The following HNF4A variants were observed in gnomAD, a reference collection of about 807,000 sequenced individuals.
HNF4A encodes hepatocyte nuclear factor 4-alpha.
A neutral mutation model predicts 52.4 loss-of-function variants in HNF4A; 15 were observed. The observed-to-expected ratio is 0.29, with a 90% confidence interval of 0.19 to 0.44. The LOEUF (loss-of-function observed/expected upper bound fraction) is 0.44. Among genes scored for constraint, HNF4A ranks in the 20% least tolerant of loss-of-function variants. The pLI is 1.00. For missense variants in HNF4A, 479 were observed against 647.2 expected (o/e 0.74, Z 2.82); for synonymous variants, 280 against 264.4 (o/e 1.06, Z -0.57).
intron 1 of HNF4A, chr20:44,372,787 G>A (rs1345470700): frequency 2.0e-5 from 3 of 152,216 alleles, no homozygotes; most frequent in Admixed American, 1.3e-4. Context: ...TGGAGAAGAT[G>A]GTGTCATGGC....
chr20:44,414,651 C>T lies in HNF4A; in HGVS notation c.637C>T (p.Leu213=). The T allele has an allele frequency of 6.2e-7, 1 of 1,607,200 alleles. No homozygotes were observed. The highest frequency in any genetic ancestry group is 8.5e-7 in the Non-Finnish European group (1 of 1,176,750). The change falls in exon 5 of 10, where the codon CTG becomes TTG. Residue 213 remains leucine (L), a synonymous_variant. Coordinates refer to ENST00000316099, the MANE Select transcript of HNF4A (RefSeq NM_000457.6). ...CATCCCAGCTTTCTGCGAGCTCCCC[C>T]TGGACGACCAGGTGAGGATGGGCGT...
chr20:44,395,076 A>C (rs544193817), intron 1 of HNF4A, among the ~76,000 whole-genome samples: 140 of 151,598 alleles, frequency 9.2e-4, no homozygotes, highest in Non-Finnish European at 1.7e-3. Context: ...TGAACAAGCC[A>C]GTGGCCACCC....
intron 3 of HNF4A, among the ~76,000 whole-genome samples, chr20:44,411,133 C>T (rs1254057888): frequency 6.6e-6 from 1 of 152,140 alleles, no homozygotes; most frequent in Non-Finnish European, 1.5e-5. Context: ...CATCAAAAAC[C>T]CAGCCCAGAA....
chr20:44,413,482 T>C (rs952165838), intron 3 of HNF4A, among the ~76,000 whole-genome samples: 2 of 152,246 alleles, frequency 1.3e-5, no homozygotes, highest in East Asian at 1.9e-4. Context: ...ATCACTCTTA[T>C]AGCCTCTCCA....
chr20:44,412,048 C>T (rs2063591628), intron 3 of HNF4A, among the ~76,000 whole-genome samples: 1 of 148,966 alleles, frequency 6.7e-6, no homozygotes, highest in South Asian at 2.1e-4. Context: ...CAAAATGAGA[C>T]CCCATCTCGA....
chr20:44,381,813 G>A (rs1220581806), intron 1 of HNF4A, among the ~76,000 whole-genome samples: 2 of 152,176 alleles, frequency 1.3e-5, no homozygotes, highest in Middle Eastern at 3.4e-3. Context: ...GTTTCACCAT[G>A]TTGGTCAGGC....
chr20:44,371,622 C>T (rs552035633), intron 1 of HNF4A, among the ~76,000 whole-genome samples: 250 of 152,198 alleles, frequency 1.6e-3, no homozygotes, highest in Non-Finnish European at 1.5e-3. Context: ...GTCAGGAATT[C>T]GAGATCAGCT....
chr20:44,425,227 C>T (rs1014779035), intron 8 of HNF4A, among the ~76,000 whole-genome samples: 1 of 152,224 alleles, frequency 6.6e-6, no homozygotes, highest in Non-Finnish European at 1.5e-5. Flanking sequence ...CAAGTGATCA[C>T]CCACCTCAGT....
chr20:44,368,134 GTATATACA>G (rs2062990163), intron 1 of HNF4A, among the ~76,000 whole-genome samples: 2 of 56,398 alleles, frequency 3.5e-5, no homozygotes, highest in African/African-American at 1.6e-4. Flanking sequence ...GTGTGTGTGT[GTATATACA>G]TATATATATA....
chr20:44,401,644 A>C, intron 1 of HNF4A: 1 of 469,204 alleles, frequency 2.1e-6, no homozygotes, highest in Non-Finnish European at 2.8e-6. Context: ...AGTGAAGCCC[A>C]TGTGCCCAGG....
At chr20:44,407,951 C>A (rs751609611) in intron 3 of HNF4A, among the ~76,000 whole-genome samples, 1 of 152,152 alleles carries the variant, frequency 6.6e-6, no homozygotes, top group Non-Finnish European at 1.5e-5. Flanking sequence ...AGTATTCATT[C>A]GTGGGTATCA....
intron 8 of HNF4A, 107 bp from the exon 9 acceptor site, chr20:44,428,228 A>C: frequency 8.8e-7 from 1 of 1,137,042 alleles, no homozygotes; most frequent in African/African-American, 1.5e-5. Context: ...AGGCACTGCC[A>C]ATATTGGATG....
At chr20:44,382,809 TA>T (rs2063172042) in intron 1 of HNF4A, among the ~76,000 whole-genome samples, 1 of 152,174 alleles carries the variant, frequency 6.6e-6, no homozygotes, top group African/African-American at 2.4e-5. Context: ...ACTAAATAAA[TA>T]AATCATCCAG....
intron 1 of HNF4A, among the ~76,000 whole-genome samples, chr20:44,385,057 A>ATTTTTTTTTTTTTTTTTTTTTTTTTTT (rs1491454694): frequency 6.7e-5 from 2 of 29,938 alleles, no homozygotes; most frequent in Admixed American, 5.5e-4. Flanking sequence ...GAACTCTGTG[A>ATTTTTTTTTTTTTTTTTTTTTTTTTTT]TCTTTTTTTT....
intron 1 of HNF4A, among the ~76,000 whole-genome samples, chr20:44,387,790 G>C (rs1288836458): frequency 2.0e-5 from 3 of 151,872 alleles, no homozygotes; most frequent in Non-Finnish European, 4.4e-5. Flanking sequence ...AAGGTTGGCT[G>C]GGGTGGAGAT....
intron 7 of HNF4A, among the ~76,000 whole-genome samples, chr20:44,421,556 C>A (rs1300809473): frequency 6.6e-6 from 1 of 151,896 alleles, no homozygotes; most frequent in Admixed American, 6.6e-5. Flanking sequence ...GAGTTCAAGA[C>A]CAGCCTGGCC....
intron 3 of HNF4A, among the ~76,000 whole-genome samples, chr20:44,409,734 G>A (rs1286334322): frequency 1.3e-5 from 2 of 152,098 alleles, no homozygotes; most frequent in Admixed American, 6.5e-5. Flanking sequence ...TGAGGACATT[G>A]GATAATGAAC....
chr20:44,358,820 TAG>T (rs1449665499), intron 1 of HNF4A, among the ~76,000 whole-genome samples: 1 of 152,034 alleles, frequency 6.6e-6, no homozygotes, highest in Non-Finnish European at 1.5e-5. Context: ...CATGAGTGCT[TAG>T]AACAGTCCTG....
chr20:44,369,316 G>A (rs1256933257), intron 1 of HNF4A, among the ~76,000 whole-genome samples: 1 of 147,070 alleles, frequency 6.8e-6, no homozygotes, highest in African/African-American at 2.5e-5. Flanking sequence ...CTGTAATCCT[G>A]GCATTTTGGG....
Sources: gnomAD v4.1 joint callset for allele counts (sites outside exome capture counted in the v4.1 genomes callset) on GRCh38, gnomAD v4.1.1 for gene constraint, MANE v1.5 for transcripts, NCBI Gene and HGNC (gene_info 2026-07-23, HGNC 2026-07-21) for gene names.